GRID2: variants seen among roughly 807,000 people sequenced by gnomAD.
The protein encoded by GRID2 is glutamate receptor ionotropic, delta-2.
In GRID2, 33 loss-of-function variants were observed where a neutral mutation model predicts 114.8. The ratio of observed to expected loss-of-function variants is 0.29; its 90% CI spans 0.22 to 0.38. GRID2 has a LOEUF of 0.38. GRID2 is among the 10% of genes least tolerant of loss of function. GRID2 has a pLI of 1.00. For synonymous variants in GRID2, 505 were observed against 449.9 expected, an observed-to-expected ratio of 1.12 and a Z score of -1.55; for missense variants, 1,184 against 1,257.7, an observed-to-expected ratio of 0.94 and a Z score of 0.89.
chr4:93,222,412 G>A (rs984696090), intron 6 of GRID2, among the ~76,000 whole-genome samples: 5 of 151,612 alleles, frequency 3.3e-5, no homozygotes, highest in African/African-American at 1.2e-4. Flanking sequence ...TTGGAGAAAG[G>A]TAAGGAGATA....
chr4:92,531,954 A>G (rs1461515238), intron 1 of GRID2, among the ~76,000 whole-genome samples: 2 of 152,294 alleles, frequency 1.3e-5, no homozygotes, highest in East Asian at 1.9e-4. Flanking sequence ...TCTTTCCAAG[A>G]TATGCCAATG....
At chr4:92,585,593 G>C (rs12508332) in intron 1 of GRID2, among the ~76,000 whole-genome samples, 57,543 of 151,590 alleles carry the variant, frequency 0.38, 10,903 homozygotes, top group Middle Eastern at 0.46. Context: ...ACTTGATAAG[G>C]TTGTTATAGA....
intron 3 of GRID2, among the ~76,000 whole-genome samples, chr4:93,100,172 G>C (rs1433170197): frequency 2.6e-5 from 4 of 151,786 alleles, no homozygotes; most frequent in Non-Finnish European, 5.9e-5. Flanking sequence ...TTATTCATAA[G>C]TAAAATGTTC....
intron 12 of GRID2, among the ~76,000 whole-genome samples, chr4:93,509,840 A>G (rs913768315): frequency 2.0e-5 from 3 of 152,146 alleles, no homozygotes; most frequent in Admixed American, 2.0e-4. Flanking sequence ...TTTAAATGCT[A>G]CATTTTGGAT....
chr4:93,769,977 A>G (rs1336790122), intron 15 of GRID2, among the ~76,000 whole-genome samples: 1 of 152,170 alleles, frequency 6.6e-6, no homozygotes, highest in Admixed American at 6.5e-5. Context: ...CAAATCCAAA[A>G]TCCACATCAT....
In GRID2 at chr4:92,424,822, ATAC is replaced by A. The variant is rs1732078160; in HGVS notation, c.88+120083_88+120085del. On this transcript the variant is annotated intron_variant, in intron 1 of 15. Transcript: ENST00000282020. ...ACAACAGCAGTCCTAACAACAAAAA[ATAC>A]TACTTTTTATACTCCTCTGATTAAA... is the stretch of plus-strand genomic sequence containing the variant. Among the ~76,000 whole-genome samples the A allele has an allele frequency of 1.3e-5, 2 of 151,852 alleles. 1 individual carries two copies. Among genetic ancestry groups the A allele is most frequent in the South Asian group, 4.1e-4 (2 of 4,830 alleles).
In GRID2 at chr4:92,933,197, C is replaced by T. The variant is rs141682228; in HGVS notation, c.245-151798C>T. 1.7e-4 allele frequency among the ~76,000 whole-genome samples: 26 copies of T among 150,384 alleles called. No individual in the cohort carries two copies. In the East Asian group the frequency reaches 5.1e-3, roughly 29 times the overall value. On this transcript the variant is annotated intron_variant, in intron 2 of 15. Coordinates refer to ENST00000282020, the MANE Select transcript of GRID2 (RefSeq NM_001510.4). The stretch of plus-strand genomic sequence containing the variant: ...TATGTAATGTTTCCCTTAAATTTTA[C>T]CTCTTAATCGGATTACTGTGGAAAT...
intron 2 of GRID2, among the ~76,000 whole-genome samples, chr4:92,807,254 C>A (rs1740464382): frequency 6.6e-6 from 1 of 151,806 alleles, no homozygotes; most frequent in African/African-American, 2.4e-5. Context: ...TAAATATAAC[C>A]TTTTTCTGGA....
In GRID2 at chr4:92,693,182, G is replaced by C. The variant is rs186689494; in HGVS notation, c.244+102896G>C. 5.9e-5 allele frequency among the ~76,000 whole-genome samples: 9 copies of C among 151,842 alleles called. No individual in the cohort carries two copies. The East Asian group carries it at 1.4e-3, about 23-fold the overall frequency. ...ATAATTTTTAATAGACTTCAAAATG[G>C]AAACAACGTTCTAGTAATCTCAAAT... On this transcript the variant is annotated intron_variant, in intron 2 of 15. Coordinates refer to ENST00000282020, the MANE Select transcript of GRID2 (RefSeq NM_001510.4).
intron 1 of GRID2, among the ~76,000 whole-genome samples, chr4:92,354,222 C>T (rs1728209628): frequency 6.6e-6 from 1 of 152,010 alleles, no homozygotes; most frequent in Non-Finnish European, 1.5e-5. Flanking sequence ...GGGGCGAGGA[C>T]AGATAAATAT....
At chr4:92,668,744 T>C (rs1044433192) in intron 2 of GRID2, among the ~76,000 whole-genome samples, 1 of 151,844 alleles carries the variant, frequency 6.6e-6, no homozygotes, top group Admixed American at 6.6e-5. Context: ...TAAAATCACT[T>C]TTACTACTCC....
intron 1 of GRID2, among the ~76,000 whole-genome samples, chr4:92,545,541 C>T (rs1726203580): frequency 6.6e-6 from 1 of 152,092 alleles, no homozygotes; most frequent in African/African-American, 2.4e-5. Context: ...GAAAATGTTG[C>T]CTGAATATTT....
intron 2 of GRID2, among the ~76,000 whole-genome samples, chr4:92,961,179 T>C (rs1194420070): frequency 6.6e-6 from 1 of 151,946 alleles, no homozygotes; most frequent in Non-Finnish European, 1.5e-5. Context: ...AAAAACATTG[T>C]TTCTGTTATT....
intron 2 of GRID2, among the ~76,000 whole-genome samples, chr4:93,065,440 C>G (rs1198759943): frequency 6.6e-6 from 1 of 151,808 alleles, no homozygotes; most frequent in African/African-American, 2.4e-5. Flanking sequence ...TCTGATTGCA[C>G]TCATGGAAAA....
At chr4:93,651,286 C>T (rs1722558130) in intron 14 of GRID2, among the ~76,000 whole-genome samples, 1 of 152,114 alleles carries the variant, frequency 6.6e-6, no homozygotes, top group Non-Finnish European at 1.5e-5. Context: ...ACCTTGTGTA[C>T]AGGACCAGTT....
At chr4:93,334,982 ACAAT>A (rs1276983754) in intron 8 of GRID2, among the ~76,000 whole-genome samples, 13 of 152,154 alleles carry the variant, frequency 8.5e-5, no homozygotes, top group African/African-American at 3.1e-4. Flanking sequence ...TTTTTCATAA[ACAAT>A]CAATCATGTT....
chr4:93,753,589 C>T (rs1025972933), intron 14 of GRID2, among the ~76,000 whole-genome samples: 4 of 152,052 alleles, frequency 2.6e-5, no homozygotes, highest in Non-Finnish European at 5.9e-5. Flanking sequence ...TGAGAACATG[C>T]GGTGTTTGGT....
intron 14 of GRID2, among the ~76,000 whole-genome samples, chr4:93,740,107 C>A (rs920987253): frequency 3.9e-5 from 6 of 152,180 alleles, no homozygotes; most frequent in East Asian, 1.9e-4. Context: ...TTTTACTGAA[C>A]CTTTTCTATG....
intron 1 of GRID2, among the ~76,000 whole-genome samples, chr4:92,505,742 G>A (rs1272808734): frequency 6.6e-6 from 1 of 151,934 alleles, no homozygotes; most frequent in African/African-American, 2.4e-5. Flanking sequence ...GGACTACTTG[G>A]CAGGCATTCT....
Sources: allele counts gnomAD v4.1 joint callset (sites outside exome capture counted in the v4.1 genomes callset), GRCh38; gene constraint gnomAD v4.1.1; transcripts MANE v1.5; gene names NCBI Gene and HGNC (gene_info 2026-07-23, HGNC 2026-07-21).